Variants in MTUS1 observed in about 807,000 individuals in gnomAD.
The protein encoded by MTUS1 is microtubule-associated tumor suppressor 1.
In MTUS1, 109 loss-of-function variants were observed where a neutral mutation model predicts 120.8. That is an observed-to-expected ratio of 0.90 (90% confidence interval 0.77 to 1.06). MTUS1 has a LOEUF of 1.06. MTUS1 is among the 50% of genes least tolerant of loss of function. The probability of loss-of-function intolerance (pLI) is 0.00; values close to 1 mark genes in which losing one functional copy is unlikely to be tolerated. For missense variants in MTUS1, 2,210 were observed against 1,486.3 expected (o/e 1.49, Z -8.01); for synonymous variants, 737 against 550.5 (o/e 1.34, Z -4.74).
At chr8:17,678,909 T>C (rs536146115) in intron 7 of MTUS1, among the ~76,000 whole-genome samples, 8 of 152,290 alleles carry the variant, frequency 5.3e-5, no homozygotes, top group Non-Finnish European at 1.0e-4. Flanking sequence ...TGGCTGTCTG[T>C]GCAGAATACC....
chr8:17,669,258 C>G (rs546096442), intron 8 of MTUS1, among the ~76,000 whole-genome samples: 18 of 152,274 alleles, frequency 1.2e-4, no homozygotes, highest in African/African-American at 4.3e-4. Flanking sequence ...TTAGCTAAGA[C>G]TTAAAAACTG....
chr8:17,725,906 C>T (rs531720561), intron 3 of MTUS1, among the ~76,000 whole-genome samples: 11 of 152,254 alleles, frequency 7.2e-5, no homozygotes, highest in Non-Finnish European at 4.4e-5. Flanking sequence ...GGATGGTGAT[C>T]GTAGTTTCAA....
intron 1 of MTUS1, among the ~76,000 whole-genome samples, chr8:17,759,011 A>G (rs538270321): frequency 6.6e-6 from 1 of 152,138 alleles, no homozygotes; most frequent in African/African-American, 2.4e-5. Context: ...CCTCCCGAGT[A>G]GCTGGGATTA....
At position 17,755,158 on chromosome 8, in the gene MTUS1, T is replaced by A; in HGVS notation, c.650A>T (p.His217Leu). 5 of 1,614,174 alleles carry A rather than the reference T, an allele frequency of 3.1e-6. No individual in the cohort carries two copies. The highest frequency in any genetic ancestry group is 4.2e-6 in the Non-Finnish European group (5 of 1,180,024). The change falls in exon 2 of 15, where the codon CAT becomes CTT. Residue 217 changes from histidine (H) to leucine (L), a missense_variant. Transcript: ENST00000693296. ...TWTSSHSDKT[H>L]ARETTYDRES... ...TCTATCATAAGTAGTTTCTCTTGCATGCGTCTTATCAGAATGGGAAGATGT... is the reference window on the plus strand; with the variant it reads ...TCTATCATAAGTAGTTTCTCTTGCAAGCGTCTTATCAGAATGGGAAGATGT...
intron 1 of MTUS1, among the ~76,000 whole-genome samples, chr8:17,763,147 C>T (rs539335146): frequency 4.5e-4 from 68 of 152,192 alleles, no homozygotes; most frequent in Middle Eastern, 3.4e-3. Flanking sequence ...CCCACCACCA[C>T]GCCCAGCTAA....
chr8:17,688,715 T>C (rs1816346664), intron 6 of MTUS1, among the ~76,000 whole-genome samples: 1 of 152,246 alleles, frequency 6.6e-6, no homozygotes, highest in Non-Finnish European at 1.5e-5. Flanking sequence ...AAAGTTACCA[T>C]TCATGTCAAT....
At chr8:17,782,894 A>G (rs899711451) in intron 1 of MTUS1, among the ~76,000 whole-genome samples, 4 of 152,158 alleles carry the variant, frequency 2.6e-5, no homozygotes, top group African/African-American at 9.7e-5. Flanking sequence ...CCTGGCCAAC[A>G]TGGTGAAACC....
At chr8:17,796,002 G>A (rs994265696) in intron 1 of MTUS1, among the ~76,000 whole-genome samples, 1 of 151,324 alleles carries the variant, frequency 6.6e-6, no homozygotes, top group Non-Finnish European at 1.5e-5. Flanking sequence ...CAGGCTGGAG[G>A]GCAGTGGAGC....
rs1212124127 is a variant in MTUS1, at chr8:17,645,164, A to G, written c.*762T>C. 1 of 152,602 alleles carries G rather than the reference A, an allele frequency of 6.6e-6. No homozygotes were observed. The highest frequency in any genetic ancestry group is 1.5e-5 in the Non-Finnish European group (1 of 68,028). The allele number at this position is 152,602 out of a possible 1,614,324, so 9.5% of individuals were successfully genotyped here. A position where few individuals can be genotyped will look rare whatever the true frequency, so the allele number is the denominator to read the frequency against. On this transcript the variant is annotated 3_prime_UTR_variant, in exon 15 of 15. Coordinates refer to ENST00000693296, the MANE Select transcript of MTUS1 (RefSeq NM_001363059.2). ...GTGTTAGGCTCACATGGGTAAGTAA[A>G]AAATCTACAGAAAAATCTAGTTTCA...
intron 1 of MTUS1, among the ~76,000 whole-genome samples, chr8:17,782,311 A>AAT (rs2050933190): frequency 6.6e-6 from 1 of 152,352 alleles, no homozygotes; most frequent in Non-Finnish European, 1.5e-5. Flanking sequence ...TAGTAAGTTA[A>AAT]ATATTCCCTT....
Position 17,792,344 on chromosome 8 carries a change from A to T in MTUS1, c.-155+8717T>A, listed in dbSNP as rs184888262. 1.0e-3 allele frequency among the ~76,000 whole-genome samples: 158 copies of T among 152,358 alleles called. 1 individual carries two copies. Among genetic ancestry groups the T allele is most frequent in the African/African-American group, 3.5e-3 (145 of 41,584 alleles). ...GAGAAAATAGTTTTCATTTGATTAT[A>T]TATCTACAAGGTTATACATTTTTAA... On this transcript the variant is annotated intron_variant, in intron 1 of 14. Coordinates refer to ENST00000693296, the MANE Select transcript of MTUS1 (RefSeq NM_001363059.2).
Position 17,723,715 on chromosome 8 carries a change from T to C in MTUS1, c.2406A>G (p.Ser802=). 2.5e-6 allele frequency: 4 copies of C among 1,611,098 alleles called. 1 individual carries two copies. The highest frequency in any genetic ancestry group is 1.1e-5 in the South Asian group (1 of 90,960). The change falls in exon 4 of 15, where the codon TCA becomes TCG. Residue 802 remains serine (S), a synonymous_variant. Transcript: ENST00000693296. ...PALRRTGSTP[S]IASTHSELST... The stretch of plus-strand genomic sequence containing the variant: ...TCAGCTCACTGTGGGTGCTGGCTAT[T>C]GAGGGGGTGCTTCCTGTCCTCCGCA...
At chr8:17,775,990 C>T (rs2050398960) in intron 1 of MTUS1, among the ~76,000 whole-genome samples, 4 of 152,226 alleles carry the variant, frequency 2.6e-5, no homozygotes, top group Admixed American at 2.6e-4. Context: ...ACAACTACCT[C>T]TTCATGGAAT....
chr8:17,725,878 T>A (rs2046197625), intron 3 of MTUS1, among the ~76,000 whole-genome samples: 1 of 152,188 alleles, frequency 6.6e-6, no homozygotes, highest in Non-Finnish European at 1.5e-5. Context: ...GCCAAAAGAT[T>A]GCACACCCCA....
In MTUS1 at chr8:17,719,327, G is replaced by GT. The variant is rs1474776676; in HGVS notation, c.2450-3427dup. Among the ~76,000 whole-genome samples the GT allele has an allele frequency of 1.1e-4, 17 of 152,316 alleles. No individual in the cohort carries two copies. In the East Asian group the frequency reaches 3.3e-3, roughly 29 times the overall value. On this transcript the variant is annotated intron_variant, in intron 4 of 14. Coordinates refer to ENST00000693296, the MANE Select transcript of MTUS1 (RefSeq NM_001363059.2). The stretch of plus-strand genomic sequence containing the variant: ...CATTTCTTGAATTTTATGTGAATCA[G>GT]TTTAACACTCCCCACTGTGCCAGAT...
intron 1 of MTUS1, among the ~76,000 whole-genome samples, chr8:17,762,146 G>A (rs2049091254): frequency 1.3e-5 from 2 of 152,144 alleles, no homozygotes; most frequent in Admixed American, 1.3e-4. Context: ...AGGTATGGTG[G>A]CAGGTGCCTG....
chr8:17,757,913 A>T (rs2048745698), intron 1 of MTUS1, among the ~76,000 whole-genome samples: 1 of 152,230 alleles, frequency 6.6e-6, no homozygotes, highest in Non-Finnish European at 1.5e-5. Context: ...CTAGGACTGC[A>T]AACAGGTCAT....
chr8:17,675,772 A>G (rs1310475075), intron 7 of MTUS1, among the ~76,000 whole-genome samples: 1 of 152,234 alleles, frequency 6.6e-6, no homozygotes, highest in Non-Finnish European at 1.5e-5. Flanking sequence ...AATCCTTTAA[A>G]GACAAAATTA....
In MTUS1 at chr8:17,767,700, T is replaced by TAAGAAAAAA. The variant is rs1554533204; in HGVS notation, c.-154-11740_-154-11739insTTTTTTCTT. Among the ~76,000 whole-genome samples, 32 of 87,874 alleles carry TAAGAAAAAA rather than the reference T, an allele frequency of 3.6e-4. 2 individuals are homozygous for TAAGAAAAAA. The highest frequency in any genetic ancestry group is 1.4e-3 in the African/African-American group (28 of 19,664). 57.6% of individuals were successfully genotyped at this position (87,874 alleles called of 152,430 possible). A position where few individuals can be genotyped will look rare whatever the true frequency, so the allele number is the denominator to read the frequency against. On this transcript the variant is annotated intron_variant, in intron 1 of 14. Transcript: ENST00000693296. ...GGTGATAGAGCAAGACCCTGTCTCT[T>TAAGAAAAAA]AAAAAAAAAAAAAAAAAACGGTGTG...
Sources: allele counts gnomAD v4.1 joint callset (sites outside exome capture counted in the v4.1 genomes callset), GRCh38; gene constraint gnomAD v4.1.1; transcripts MANE v1.5; gene names NCBI Gene and HGNC (gene_info 2026-07-23, HGNC 2026-07-21).